The following BABAM2 variants were observed in gnomAD, a reference collection of about 807,000 sequenced individuals.
The protein encoded by BABAM2 is BRISC and BRCA1-A complex member 2.
Under a neutral mutation model 54.7 loss-of-function variants are expected in BABAM2, and 31 were observed. The ratio of observed to expected loss-of-function variants is 0.57; its 90% CI spans 0.43 to 0.77. The LOEUF (loss-of-function observed/expected upper bound fraction) is 0.77, where lower values mean the gene tolerates loss of function less well. BABAM2 is among the 30% of genes least tolerant of loss of function. The pLI is 0.00. For synonymous variants in BABAM2, 167 were observed against 162.9 expected (o/e 1.03, Z -0.19); for missense variants, 364 against 455.8 (o/e 0.80, Z 1.83).
chr2:28,231,523 C>A (rs1681383127), intron 7 of BABAM2, among the ~76,000 whole-genome samples: 1 of 152,166 alleles, frequency 6.6e-6, no homozygotes, highest in African/African-American at 2.4e-5. Flanking sequence ...GGATGTTCCC[C>A]TTTCCATGCT....
chr2:28,321,001 G>A (rs887824786), intron 11 of BABAM2, among the ~76,000 whole-genome samples: 1 of 152,224 alleles, frequency 6.6e-6, no homozygotes, highest in Non-Finnish European at 1.5e-5. Flanking sequence ...TTCAACAAAT[G>A]TTATATATAT....
chr2:27,992,214 A>G (rs1485641308), intron 4 of BABAM2, among the ~76,000 whole-genome samples: 2 of 152,134 alleles, frequency 1.3e-5, no homozygotes, highest in East Asian at 3.9e-4. Flanking sequence ...TCCTTTGCCC[A>G]TTTAAAAATT....
intron 6 of BABAM2, among the ~76,000 whole-genome samples, chr2:28,047,983 A>C (rs1016818190): frequency 2.0e-5 from 3 of 152,240 alleles, no homozygotes; most frequent in Admixed American, 6.5e-5. Context: ...AGTTTGCCTT[A>C]GGAGCTGCTT....
chr2:28,267,204 C>T (rs2148150443), intron 10 of BABAM2, among the ~76,000 whole-genome samples: 1 of 152,184 alleles, frequency 6.6e-6, no homozygotes, highest in East Asian at 1.9e-4. Flanking sequence ...ATCCTATGTA[C>T]CCTTCACCCA....
intron 3 of BABAM2, among the ~76,000 whole-genome samples, chr2:27,967,692 T>A (rs1344386952): frequency 6.6e-6 from 1 of 152,260 alleles, no homozygotes. Flanking sequence ...GTTGAATGGC[T>A]TTGACCAAAA....
chr2:28,148,389 A>G (rs1671704592), intron 7 of BABAM2, among the ~76,000 whole-genome samples: 1 of 152,188 alleles, frequency 6.6e-6, no homozygotes, highest in Non-Finnish European at 1.5e-5. Flanking sequence ...TTGTATGTGT[A>G]GGTTGGTTAT....
At chr2:28,009,167 T>G (rs1363497796) in intron 4 of BABAM2, among the ~76,000 whole-genome samples, 1 of 152,068 alleles carries the variant, frequency 6.6e-6, no homozygotes, top group Non-Finnish European at 1.5e-5. Context: ...TGAACCTGAC[T>G]CCAAAATCAT....
At chr2:27,944,851 G>A (rs993340207) in intron 3 of BABAM2, among the ~76,000 whole-genome samples, 4 of 152,072 alleles carry the variant, frequency 2.6e-5, no homozygotes, top group Admixed American at 6.5e-5. Context: ...CAATTTATGA[G>A]GTTCTAGTTC....
chr2:28,100,684 T>C lies in BABAM2; in HGVS notation c.571-28587T>C, dbSNP rs183727939. Among the ~76,000 whole-genome samples the C allele has an allele frequency of 4.2e-3, 640 of 152,202 alleles. 10 individuals are homozygous for C. The South Asian group carries it at 0.044, about 11-fold the overall frequency. The stretch of plus-strand genomic sequence containing the variant: ...ACAAGAGACACTGGAAAGGAGACCA[T>C]GACTAGAAGAGAGAAGTTGCTACTT... On this transcript the variant is annotated intron_variant, in intron 6 of 11. Coordinates refer to ENST00000379624, the MANE Select transcript of BABAM2 (RefSeq NM_199191.3).
intron 5 of BABAM2, among the ~76,000 whole-genome samples, chr2:28,045,199 TA>T (rs1677464134): frequency 6.6e-6 from 1 of 152,176 alleles, no homozygotes; most frequent in South Asian, 2.1e-4. Context: ...CAGTTAATGA[TA>T]ATGATATAGT....
intron 3 of BABAM2, among the ~76,000 whole-genome samples, chr2:27,985,057 A>ATGTGTGTGTG (rs35552031): frequency 0.011 from 1,457 of 137,484 alleles, 27 homozygotes; most frequent in African/African-American, 0.03. Context: ...GTATTCCATG[A>ATGTGTGTGTG]TGTGTGTGTG....
intron 4 of BABAM2, among the ~76,000 whole-genome samples, chr2:28,022,540 A>C (rs1675349088): frequency 6.6e-6 from 1 of 152,072 alleles, no homozygotes; most frequent in Admixed American, 6.6e-5. Context: ...ATTTTCTTTG[A>C]CTGTGTTTTA....
At chr2:28,113,157 G>T (rs895689878) in intron 6 of BABAM2, among the ~76,000 whole-genome samples, 2 of 152,134 alleles carry the variant, frequency 1.3e-5, no homozygotes, top group East Asian at 1.9e-4. Flanking sequence ...TAGGTTGCCT[G>T]TTCACTCTGA....
intron 6 of BABAM2, among the ~76,000 whole-genome samples, chr2:28,077,475 T>G (rs1664791131): frequency 6.6e-6 from 1 of 152,174 alleles, no homozygotes; most frequent in Non-Finnish European, 1.5e-5. Context: ...ACAAAAAACT[T>G]GACATAGGAT....
chr2:27,941,386 C>T (rs995532200), intron 3 of BABAM2, among the ~76,000 whole-genome samples: 2 of 152,000 alleles, frequency 1.3e-5, no homozygotes, highest in African/African-American at 4.8e-5. Context: ...GAAACCCTGC[C>T]TCTACTAAAA....
chr2:28,114,367 G>C (rs1036981165), intron 6 of BABAM2, among the ~76,000 whole-genome samples: 4 of 152,076 alleles, frequency 2.6e-5, no homozygotes, highest in African/African-American at 9.7e-5. Flanking sequence ...TCTTTTAAAA[G>C]CATAATGTCA....
In BABAM2 at chr2:28,311,177, C is replaced by T. The variant is rs180708498; in HGVS notation, c.1088+12686C>T. Among the ~76,000 whole-genome samples the T allele has an allele frequency of 2.4e-3, 367 of 150,218 alleles. 4 individuals are homozygous for T. Among genetic ancestry groups the T allele is most frequent in the African/African-American group, 8.7e-3 (354 of 40,842 alleles). Reference sequence around the variant, plus strand: ...TTGGGAGGCTGAGGCAGGAGAATGGCGTGAACCCGGGAGGCGGAGCTTGCA... The same window carrying T: ...TTGGGAGGCTGAGGCAGGAGAATGGTGTGAACCCGGGAGGCGGAGCTTGCA... On this transcript the variant is annotated intron_variant, in intron 11 of 11. Coordinates refer to ENST00000379624, the MANE Select transcript of BABAM2 (RefSeq NM_199191.3).
intron 11 of BABAM2, among the ~76,000 whole-genome samples, chr2:28,331,375 GAACA>G (rs1175008651): frequency 6.6e-6 from 1 of 152,088 alleles, no homozygotes; most frequent in Non-Finnish European, 1.5e-5. Flanking sequence ...TCTTCAAAAT[GAACA>G]GACAACCTAC....
chr2:28,026,835 T>TATATATTTATATAAAA lies in BABAM2; in HGVS notation c.495+1421_495+1422insTTATATAAAAATATAT, dbSNP rs1553414430. Among the ~76,000 whole-genome samples the TATATATTTATATAAAA allele has an allele frequency of 6.4e-3, 347 of 54,290 alleles. 7 individuals are homozygous for TATATATTTATATAAAA. The highest frequency in any genetic ancestry group is 8.6e-3 in the Non-Finnish European group (259 of 29,956). The allele number at this position is 54,290 out of a possible 152,430, so 35.6% of individuals were successfully genotyped here. ...ATAAATATATATTTATATATATAAA[T>TATATATTTATATAAAA]ATATATAAATATATATTTATATATA... On this transcript the variant is annotated intron_variant, in intron 5 of 11. Coordinates refer to ENST00000379624, the MANE Select transcript of BABAM2 (RefSeq NM_199191.3).
Sources: gnomAD v4.1 joint callset for allele counts (sites outside exome capture counted in the v4.1 genomes callset) on GRCh38, gnomAD v4.1.1 for gene constraint, MANE v1.5 for transcripts, NCBI Gene and HGNC (gene_info 2026-07-23, HGNC 2026-07-21) for gene names.